COL5A1: variants seen among roughly 807,000 people sequenced by gnomAD.
COL5A1 encodes collagen type V alpha 1 chain.
A neutral mutation model predicts 263.7 loss-of-function variants in COL5A1; 16 were observed. That is an observed-to-expected ratio of 0.06 (90% CI 0.04 to 0.09). The LOEUF is 0.09. Among genes scored for constraint, COL5A1 ranks in the 10% least tolerant of loss-of-function variants. COL5A1 has a pLI of 1.00. For missense variants in COL5A1, 2,036 were observed against 2,540.5 expected (o/e 0.80, Z 4.27); for synonymous variants, 1,012 against 1,004.5 (o/e 1.01, Z -0.14).
At chr9:134,784,237 C>A (rs1260724497) in intron 29 of COL5A1, among the ~76,000 whole-genome samples, 1 of 152,240 alleles carries the variant, frequency 6.6e-6, no homozygotes, top group Non-Finnish European at 1.5e-5. Context: ...GGAAGTTATT[C>A]ATTTTTCTCT....
intron 4 of COL5A1, among the ~76,000 whole-genome samples, chr9:134,706,284 C>T (rs1032625327): frequency 9.9e-5 from 15 of 152,218 alleles, no homozygotes; most frequent in African/African-American, 3.6e-4. Context: ...CCCAGGTTTC[C>T]AGAGGTGCTG....
At chr9:134,822,416 G>A (rs1198201644) in intron 59 of COL5A1, among the ~76,000 whole-genome samples, 5 of 152,220 alleles carry the variant, frequency 3.3e-5, no homozygotes, top group African/African-American at 7.2e-5. Context: ...CCACTTGTCT[G>A]TAGGCATCTG....
intron 4 of COL5A1, among the ~76,000 whole-genome samples, chr9:134,726,277 T>C (rs1308680072): frequency 6.6e-6 from 1 of 151,708 alleles, no homozygotes; most frequent in Admixed American, 6.6e-5. Context: ...GGTGGGTGGG[T>C]AGATGGGTGG....
chr9:134,842,098 T>C lies in COL5A1; in HGVS notation c.5371-59T>C, dbSNP rs1003799007. The C allele has an allele frequency of 6.2e-7, 1 of 1,600,854 alleles. No individual in the cohort carries two copies. Among genetic ancestry groups the C allele is most frequent in the African/African-American group, 1.3e-5 (1 of 74,534 alleles). ...CAGACAGATTGTGGGGGGTGATTGG[T>C]AAACCCCAAGACCCCCAACTGTTCT... On this transcript the variant is annotated intron_variant, in intron 65 of 65. Transcript: ENST00000371817. This position sits in a 1 kb window ranked among gnomAD's most constrained non-coding sequence, Gnocchi z 5.8.
At chr9:134,746,259 AG>A (rs1490574771) in intron 11 of COL5A1, among the ~76,000 whole-genome samples, 1 of 152,172 alleles carries the variant, frequency 6.6e-6, no homozygotes, top group Non-Finnish European at 1.5e-5. Context: ...ATGCACACAA[AG>A]GTTCTGGAGA....
At position 134,728,822 on chromosome 9, in the gene COL5A1, G is replaced by A. The variant is rs939587509; in HGVS notation, c.924+15G>A. ...AGGTCCCCGAGGTCTGGGCTGAGCG[G>A]GGGACTGGGTTGGGCTGGGCCCCTC... On this transcript the variant is annotated intron_variant, in intron 6 of 65. Coordinates refer to ENST00000371817, the MANE Select transcript of COL5A1 (RefSeq NM_000093.5). The A allele has an allele frequency of 7.4e-6, 12 of 1,613,860 alleles. No homozygotes were observed. Among genetic ancestry groups the A allele is most frequent in the Non-Finnish European group, 8.5e-6 (10 of 1,180,014 alleles).
At chr9:134,689,465 A>G (rs2132548448) in intron 1 of COL5A1, among the ~76,000 whole-genome samples, 1 of 152,296 alleles carries the variant, frequency 6.6e-6, no homozygotes, top group Admixed American at 6.5e-5. Context: ...ATTAGCATAA[A>G]GAGGGATACA....
intron 32 of COL5A1, among the ~76,000 whole-genome samples, chr9:134,793,498 G>T (rs553844721): frequency 6.6e-6 from 1 of 152,194 alleles, no homozygotes; most frequent in African/African-American, 2.4e-5. Context: ...CCCAGATGGC[G>T]TTGCGGTCGA....
chr9:134,791,325 G>A (rs911069860), intron 32 of COL5A1, among the ~76,000 whole-genome samples: 2 of 152,210 alleles, frequency 1.3e-5, no homozygotes, highest in South Asian at 2.1e-4. Context: ...CCATGGTAGT[G>A]GTGGTTCATG....
chr9:134,699,956 A>G lies in COL5A1; in HGVS notation c.325A>G (p.Lys109Glu). Residue 109 changes from lysine to glutamate, a missense_variant, in exon 3 of 66, where the codon AAG (lysine) becomes GAG (glutamate). Physicochemically the swap from Lys to Glu is moderately conservative, Grantham distance 56. This residue lies in a region of COL5A1 where 600 missense variants were observed against 634.5 expected (regional missense o/e 0.95). Coordinates refer to ENST00000371817, the MANE Select transcript of COL5A1 (RefSeq NM_000093.5). ...CTCCATCCTAACAACTGTGAAAGCC[A>G]AGAAAGGCAGCCAGGCCTTCCTGGT... ...DFSILTTVKA[K>E]KGSQAFLVSI... The G allele has an allele frequency of 6.2e-7, 1 of 1,613,976 alleles. No homozygotes were observed. Among genetic ancestry groups the G allele is most frequent in the Non-Finnish European group, 8.5e-7 (1 of 1,180,040 alleles).
intron 14 of COL5A1, among the ~76,000 whole-genome samples, chr9:134,753,371 C>T (rs1432882936): frequency 6.6e-6 from 1 of 152,102 alleles, no homozygotes; most frequent in African/African-American, 2.4e-5. Context: ...TGCAGGCACA[C>T]AGAGGAGTTC....
chr9:134,828,573 C>CCA (rs1839400169), intron 63 of COL5A1, among the ~76,000 whole-genome samples: 1 of 34,770 alleles, frequency 2.9e-5, no homozygotes, highest in Non-Finnish European at 6.1e-5. Context: ...ACAATACACA[C>CCA]CACATATACC....
rs1226762890 is a variant in COL5A1 at position 134,772,799 on chromosome 9, G to A, written c.2296G>A (p.Gly766Ser). ...PGADGPPGHP[G>S]KEGPPGEKGG... Reference sequence around the variant, plus strand: ...TCTTCTTTTGTGACAGGGACACCCTGGCAAAGAAGGCCCTCCAGGAGAGAA... The same window carrying A: ...TCTTCTTTTGTGACAGGGACACCCTAGCAAAGAAGGCCCTCCAGGAGAGAA... The change falls in exon 26 of 66, where the codon GGC (glycine) becomes AGC (serine). Residue 766 changes from glycine (G) to serine (S), a missense_variant. Coordinates refer to ENST00000371817, the MANE Select transcript of COL5A1 (RefSeq NM_000093.5). 4.3e-6 allele frequency: 7 copies of A among 1,614,056 alleles called. No homozygotes were observed. The highest frequency in any genetic ancestry group is 1.7e-5 in the Admixed American group (1 of 60,032).
chr9:134,840,020 G>A (rs1426394343), intron 65 of COL5A1, among the ~76,000 whole-genome samples: 1 of 152,264 alleles, frequency 6.6e-6, no homozygotes, highest in Non-Finnish European at 1.5e-5. Context: ...GTCAAGTCCG[G>A]GGGTGCCCCA....
rs1034628087 is a variant in COL5A1, at chr9:134,647,080, G to A, written c.109+4784G>A. ...TACCATCGCCCCCATCTTCAGTGGT[G>A]GTTTTGCAGGAGGAAAGAGCAGTGT... On this transcript the variant is annotated intron_variant, in intron 1 of 65. Coordinates refer to ENST00000371817, the MANE Select transcript of COL5A1 (RefSeq NM_000093.5). This position sits in a 1 kb window ranked among gnomAD's most constrained non-coding sequence, Gnocchi z 5.0. 2.0e-5 allele frequency among the ~76,000 whole-genome samples: 3 copies of A among 152,196 alleles called. No individual in the cohort carries two copies. The highest frequency in any genetic ancestry group is 4.8e-5 in the African/African-American group (2 of 41,444).
chr9:134,798,343 T>C (rs887769709), intron 36 of COL5A1, 65 bp from the exon 37 acceptor site: 2 of 1,474,536 alleles, frequency 1.4e-6, no homozygotes, highest in Admixed American at 3.4e-5. Flanking sequence ...CACGTGGCAT[T>C]AATTCTCAAA....
chr9:134,824,982 C>G (rs1310090425), intron 62 of COL5A1, 127 bp downstream of exon 62: 4 of 1,324,846 alleles, frequency 3.0e-6, no homozygotes, highest in Non-Finnish European at 3.0e-6. Context: ...GCAGCCTCCC[C>G]ATCTGTGGGG....
intron 4 of COL5A1, among the ~76,000 whole-genome samples, chr9:134,723,721 A>C (rs1294099803): frequency 1.3e-5 from 2 of 152,250 alleles, no homozygotes; most frequent in Non-Finnish European, 2.9e-5. Flanking sequence ...GCAGGTGGGC[A>C]GAAGGGCTGT....
chr9:134,804,285 T>C (rs1249202567), intron 39 of COL5A1, among the ~76,000 whole-genome samples: 1 of 152,206 alleles, frequency 6.6e-6, no homozygotes, highest in African/African-American at 2.4e-5. Flanking sequence ...AAAACAGCAC[T>C]GTGCTCCATG....
Sources: allele counts gnomAD v4.1 joint callset (sites outside exome capture counted in the v4.1 genomes callset), GRCh38; gene constraint gnomAD v4.1.1; regional missense constraint gnomAD v4.1.1; non-coding constraint Gnocchi (gnomAD v3.1); transcripts MANE v1.5; gene names NCBI Gene and HGNC (gene_info 2026-07-23, HGNC 2026-07-21).